SH3BP1: variants seen among roughly 807,000 people sequenced by gnomAD.
The protein encoded by SH3BP1 is SH3 domain-binding protein 1.
Under a neutral mutation model 69.8 loss-of-function variants are expected in SH3BP1, and 46 were observed. The ratio of observed to expected loss-of-function variants is 0.66; its 90% CI spans 0.52 to 0.84. SH3BP1 has a LOEUF of 0.84. Ranked by LOEUF, SH3BP1 falls within the 40% of genes least tolerant of loss-of-function variation. The pLI is 0.00. For synonymous variants in SH3BP1, 403 were observed against 378.0 expected, an observed-to-expected ratio of 1.07 and a Z score of -0.77; for missense variants, 868 against 930.9, an observed-to-expected ratio of 0.93 and a Z score of 0.88.
At chr22:37,646,050 T>A (rs1932781189) in intron 10 of SH3BP1, among the ~76,000 whole-genome samples, 2 of 147,892 alleles carry the variant, frequency 1.4e-5, no homozygotes, top group South Asian at 4.3e-4. Flanking sequence ...CACTGCAGCC[T>A]CTGTCTCCTG....
chr22:37,639,827 C>T lies in SH3BP1; in HGVS notation c.40C>T (p.Gln14Ter). The change falls in exon 1 of 18, where the codon CAG becomes TAG. Residue 14 changes from glutamine (Q) to a stop codon, truncating the protein, a stop_gained. Coordinates refer to ENST00000649765, the MANE Select transcript of SH3BP1 (RefSeq NM_018957.6). LOFTEE classifies it high-confidence loss of function. ...RQLHRMRQLA[Q>*]TGSLGRTPET... Reference sequence around the variant, plus strand: ...GCTGCACCGCATGCGGCAGCTGGCCCAGACGGGCAGCTTGGGACGGTGAGT... The same window carrying T: ...GCTGCACCGCATGCGGCAGCTGGCCTAGACGGGCAGCTTGGGACGGTGAGT... 1 of 1,573,148 alleles carries T rather than the reference C, an allele frequency of 6.4e-7. No homozygotes were observed. The highest frequency in any genetic ancestry group is 8.6e-7 in the Non-Finnish European group (1 of 1,162,026).
intron 2 of SH3BP1, 31 bp from the exon 3 acceptor site, chr22:37,641,343 T>G: frequency 6.5e-7 from 1 of 1,549,150 alleles, no homozygotes; most frequent in South Asian, 1.2e-5. Context: ...ACAGCCTCTC[T>G]TGATCCTTAA....
In SH3BP1 at chr22:37,650,428, G is replaced by A. The variant is rs1030695543; in HGVS notation, c.1415-114G>A. ...GTGGTGGTGAGGCTCACACGGGAGT[G>A]GGGAAGCTGAACATGGTCCAGATGG... On this transcript the variant is annotated intron_variant, in intron 15 of 17. Transcript: ENST00000649765. 6.7e-6 allele frequency: 10 copies of A among 1,501,748 alleles called. No individual in the cohort carries two copies. In the African/African-American group the frequency reaches 1.4e-4, roughly 21 times the overall value. 93.0% of individuals were successfully genotyped at this position (1,501,748 alleles called of 1,614,324 possible).
chr22:37,640,478 C>G (rs58929110), intron 1 of SH3BP1: 14,387 of 152,808 alleles, frequency 0.094, 814 homozygotes, highest in African/African-American at 0.16. Flanking sequence ...GGGAGCCTCT[C>G]AGAGCCTGTC....
chr22:37,650,505 G>T (rs189769565), intron 15 of SH3BP1, 37 bp from the exon 16 acceptor site: 1 of 1,580,704 alleles, frequency 6.3e-7, no homozygotes, highest in Admixed American at 1.7e-5. Context: ...AGCCTGGCGC[G>T]GTCTCTGAGA....
rs760590172 is a variant in SH3BP1, at chr22:37,645,411, G to C, written c.825G>C (p.Gly275=). The change falls in exon 10 of 18, where the codon GGG becomes GGC. Residue 275 remains glycine (G), a synonymous_variant. Coordinates refer to ENST00000649765, the MANE Select transcript of SH3BP1 (RefSeq NM_018957.6). The part of the protein sequence containing the change: ...MTATHFPRVY[G]VSLATHLQEL... Reference sequence around the variant, plus strand: ...CCACCCACTTCCCCAGGGTGTATGGGGTGTCGCTGGCAACCCACCTGCAAG... The same window carrying C: ...CCACCCACTTCCCCAGGGTGTATGGCGTGTCGCTGGCAACCCACCTGCAAG... The C allele has an allele frequency of 6.2e-7, 1 of 1,613,874 alleles. No individual in the cohort carries two copies. The highest frequency in any genetic ancestry group is 1.1e-5 in the South Asian group (1 of 91,070).
rs891520488 is a variant in SH3BP1 at position 37,646,914 on chromosome 22, C to G, written c.1021C>G (p.Pro341Ala). ...PHSLEEFCSD[P>A]HAVAGALKSY... Reference sequence around the variant, plus strand: ...CAGCCTGGAGGAGTTCTGCTCCGACCCGCACGCTGTGGCAGGTGCCTGATC... The same window carrying G: ...CAGCCTGGAGGAGTTCTGCTCCGACGCGCACGCTGTGGCAGGTGCCTGATC... The change falls in exon 11 of 18, where the codon CCG becomes GCG. Residue 341 changes from proline to alanine, a missense_variant. Physicochemically the swap from Pro to Ala is conservative, Grantham distance 27. Around this residue, in one of 3 missense-constraint regions of SH3BP1, gnomAD observed 387 missense variants for 447.9 expected, o/e 0.86. Coordinates refer to ENST00000649765, the MANE Select transcript of SH3BP1 (RefSeq NM_018957.6). The G allele has an allele frequency of 5.2e-6, 8 of 1,550,576 alleles. No homozygotes were observed.
chr22:37,648,555 C>T (rs1389199840), intron 14 of SH3BP1, 120 bp downstream of exon 14: 1 of 707,400 alleles, frequency 1.4e-6, no homozygotes. Context: ...TGAGCAGCTC[C>T]TGTTTTTGAG....
At chr22:37,645,329 A>G (rs749509393) in intron 9 of SH3BP1, 36 bp from the exon 10 acceptor site, 8 of 1,578,934 alleles carry the variant, frequency 5.1e-6, no homozygotes, top group Non-Finnish European at 6.9e-6. Flanking sequence ...TCGGGGTGGG[A>G]AGGCCCTGGG....
rs756310269 is a variant in SH3BP1 at position 37,655,425 on chromosome 22, C to A, written c.1847C>A (p.Ala616Asp). 6.1e-6 allele frequency: 8 copies of A among 1,309,668 alleles called. No homozygotes were observed. Among genetic ancestry groups the A allele is most frequent in the African/African-American group, 3.2e-5 (2 of 62,782 alleles). The allele number at this position is 1,309,668 out of a possible 1,614,324, so 81.1% of individuals were successfully genotyped here. Residue 616 changes from alanine to aspartate, a missense_variant, in exon 18 of 18, where the codon GCC becomes GAC. Physicochemically the swap from Ala to Asp is moderately radical, Grantham distance 126. Around this residue, in one of 3 missense-constraint regions of SH3BP1, gnomAD observed 474 missense variants for 462.3 expected, o/e 1.03. Coordinates refer to ENST00000649765, the MANE Select transcript of SH3BP1 (RefSeq NM_018957.6). The part of the protein sequence containing the change: ...PRRLVGSSLR[A>D]PTVPPPLPPT... ...CGTCTGGTTGGCAGCAGCCTCCGAG[C>A]CCCCACAGTGCCACCCCCGTTACCC...
At chr22:37,646,956 G>T in intron 11 of SH3BP1, 27 bp downstream of exon 11, 1 of 1,435,182 alleles carries the variant, frequency 7.0e-7, no homozygotes, top group South Asian at 1.3e-5. Context: ...GCCCTGGGCA[G>T]GAGGTTGGGG....
Position 37,645,411 on chromosome 22 carries a change from G to T in SH3BP1, c.825G>T (p.Gly275=). ...CCACCCACTTCCCCAGGGTGTATGG[G>T]GTGTCGCTGGCAACCCACCTGCAAG... The part of the protein sequence containing the change: ...MTATHFPRVY[G]VSLATHLQEL... The change falls in exon 10 of 18, where the codon GGG becomes GGT. Residue 275 remains glycine, a synonymous_variant. Transcript: ENST00000649765. The T allele has an allele frequency of 6.2e-7, 1 of 1,613,874 alleles. No homozygotes were observed. The highest frequency in any genetic ancestry group is 8.5e-7 in the Non-Finnish European group (1 of 1,179,842).
intron 17 of SH3BP1, among the ~76,000 whole-genome samples, chr22:37,654,814 A>G (rs1363733515): frequency 6.6e-6 from 1 of 152,138 alleles, no homozygotes; most frequent in Non-Finnish European, 1.5e-5. Context: ...AGTAAAATAA[A>G]AATGAACAAG....
At chr22:37,652,192 C>A (rs1434738195) in intron 16 of SH3BP1, among the ~76,000 whole-genome samples, 1 of 152,042 alleles carries the variant, frequency 6.6e-6, no homozygotes, top group Non-Finnish European at 1.5e-5. Flanking sequence ...CGCCTGTAGT[C>A]CCAGCTACTC....
At chr22:37,651,412 T>G (rs996837363) in intron 16 of SH3BP1, among the ~76,000 whole-genome samples, 2 of 151,566 alleles carry the variant, frequency 1.3e-5, no homozygotes, top group East Asian at 1.9e-4. Context: ...TTGGCTCACT[T>G]GCAGCCTCCC....
In SH3BP1 at chr22:37,655,406, G is replaced by T; in HGVS notation, c.1828G>T (p.Val610Phe). 1 of 1,455,268 alleles carries T rather than the reference G, an allele frequency of 6.9e-7. No individual in the cohort carries two copies. The highest frequency in any genetic ancestry group is 9.2e-7 in the Non-Finnish European group (1 of 1,091,160). 90.1% of individuals were successfully genotyped at this position (1,455,268 alleles called of 1,614,324 possible). A position where few individuals can be genotyped will look rare whatever the true frequency, so the allele number is the denominator to read the frequency against. Reference sequence around the variant, plus strand: ...CCCCCAAGCCCTGCCCCGACGTCTGGTTGGCAGCAGCCTCCGAGCCCCCAC... The same window carrying T: ...CCCCCAAGCCCTGCCCCGACGTCTGTTTGGCAGCAGCCTCCGAGCCCCCAC... ...GTPQALPRRLVGSSLRAPTVP... is the reference protein window; with the variant it reads ...GTPQALPRRLFGSSLRAPTVP... The change falls in exon 18 of 18, where the codon GTT becomes TTT. Residue 610 changes from valine (V) to phenylalanine (F), a missense_variant. By Grantham distance (50) the Val-to-Phe change is conservative. Transcript: ENST00000649765.
At chr22:37,647,191 C>G in intron 11 of SH3BP1, 76 bp from the exon 12 acceptor site, 1 of 1,302,284 alleles carries the variant, frequency 7.7e-7, no homozygotes, top group South Asian at 1.2e-5. Flanking sequence ...TGAACAAGGG[C>G]CGGAGGTTCC....
intron 11 of SH3BP1, 94 bp from the exon 12 acceptor site, chr22:37,647,173 C>T: frequency 3.6e-6 from 4 of 1,109,716 alleles, no homozygotes; most frequent in East Asian, 2.4e-5. Context: ...GACCTAGACA[C>T]GTTAGTGTGA....
Position 37,650,190 on chromosome 22 carries a change from T to C in SH3BP1, c.1355T>C (p.Ile452Thr), listed in dbSNP as rs1932850715. Residue 452 changes from isoleucine (I) to threonine (T), a missense_variant, in exon 15 of 18, where the codon ATC (isoleucine) becomes ACC (threonine). By Grantham distance (89) the Ile-to-Thr change is moderately conservative. Around this residue, in one of 3 missense-constraint regions of SH3BP1, gnomAD observed 474 missense variants for 462.3 expected, o/e 1.03. Coordinates refer to ENST00000649765, the MANE Select transcript of SH3BP1 (RefSeq NM_018957.6). Reference sequence around the variant, plus strand: ...CTGGATGCAGCCTCCGTGTCTTCCATCCAGGTGGTGGGCGTCGTCGAGGCG... The same window carrying C: ...CTGGATGCAGCCTCCGTGTCTTCCACCCAGGTGGTGGGCGTCGTCGAGGCG... ...AQLDAASVSSIQVVGVVEALI... is the reference protein window; with the variant it reads ...AQLDAASVSSTQVVGVVEALI... The C allele has an allele frequency of 6.2e-7, 1 of 1,613,974 alleles. No individual in the cohort carries two copies. The highest frequency in any genetic ancestry group is 1.1e-5 in the South Asian group (1 of 91,080).
Sources: allele counts gnomAD v4.1 joint callset (sites outside exome capture counted in the v4.1 genomes callset), GRCh38; gene constraint gnomAD v4.1.1; regional missense constraint gnomAD v4.1.1; transcripts MANE v1.5; gene names NCBI Gene and HGNC (gene_info 2026-07-23, HGNC 2026-07-21).